IL2RB: variants seen among roughly 807,000 people sequenced by gnomAD.
IL2RB encodes the protein interleukin-2 receptor subunit beta.
IL2RB carries 17 observed loss-of-function variants against 44.2 expected under a neutral mutation model. That is an observed-to-expected ratio of 0.38 (90% CI 0.26 to 0.58). The LOEUF is 0.58. IL2RB is among the 20% of genes least tolerant of loss of function. IL2RB has a pLI of 0.63. For synonymous variants in IL2RB, 286 were observed against 297.9 expected, an observed-to-expected ratio of 0.96 and a Z score of 0.41; for missense variants, 624 against 685.5, an observed-to-expected ratio of 0.91 and a Z score of 1.00.
At chr22:37,135,954 C>T (rs1042002101) in intron 7 of IL2RB, among the ~76,000 whole-genome samples, 1 of 152,148 alleles carries the variant, frequency 6.6e-6, no homozygotes, top group Admixed American at 6.5e-5. Context: ...CCACCCCCAG[C>T]CCCAGAAGAA....
intron 9 of IL2RB, among the ~76,000 whole-genome samples, chr22:37,131,589 T>C (rs1160271631): frequency 6.6e-6 from 1 of 152,190 alleles, no homozygotes; most frequent in Non-Finnish European, 1.5e-5. Flanking sequence ...CTTGTTAGTA[T>C]CCACGCTAAG....
chr22:37,148,498 C>A (rs550732701), intron 1 of IL2RB, among the ~76,000 whole-genome samples: 5 of 152,186 alleles, frequency 3.3e-5, no homozygotes, highest in Non-Finnish European at 7.3e-5. Flanking sequence ...ATGCCTACGT[C>A]CCCACCACAG....
chr22:37,137,789 C>G (rs1601599353), intron 5 of IL2RB, 54 bp from the exon 6 acceptor site: 2 of 1,508,850 alleles, frequency 1.3e-6, no homozygotes, highest in East Asian at 2.3e-5. Context: ...CCACCTCCCA[C>G]TTTGTACCTG....
Position 37,139,176 on chromosome 22 carries a change from C to T in IL2RB, c.329G>A (p.Cys110Tyr). The T allele has an allele frequency of 1.2e-6, 2 of 1,614,022 alleles. No homozygotes were observed. The highest frequency in any genetic ancestry group is 1.7e-6 in the Non-Finnish European group (2 of 1,179,946). Residue 110 changes from cysteine (C) to tyrosine (Y), a missense_variant, in exon 5 of 10, where the codon TGC (cysteine) becomes TAC (tyrosine). Physicochemically the swap from Cys to Tyr is radical, Grantham distance 194 (BLOSUM62 -2). Around this residue, in one of 3 missense-constraint regions of IL2RB, gnomAD observed 255 missense variants for 339.9 expected, o/e 0.75. Transcript: ENST00000216223. The stretch of plus-strand genomic sequence containing the variant: ...CACCCTCCATCGCACCCCCTCACGG[C>T]ACAGCACCCTCAGGGTGACGATGTC... The part of the protein sequence containing the change: ...TVDIVTLRVL[C>Y]REGVRWRVMA...
rs188580169 is a variant in IL2RB at position 37,170,052 on chromosome 22, G to A, written c.-34+4906C>T. Among the ~76,000 whole-genome samples, 8 of 21,498 alleles carry A rather than the reference G, an allele frequency of 3.7e-4. 1 individual carries two copies. The East Asian group carries it at 0.018, about 47-fold the overall frequency. The allele number at this position is 21,498 out of a possible 152,430, so 14.1% of individuals were successfully genotyped here. A position where few individuals can be genotyped will look rare whatever the true frequency, so the allele number is the denominator to read the frequency against. On this transcript the variant is annotated intron_variant, in intron 1 of 5. Transcript: ENST00000429622. ...GATGGAGGGAGAGAAGGAATGATGGGGGAGAAGGAAGGAAGGATGGGGGAG... is the reference window on the plus strand; with the variant it reads ...GATGGAGGGAGAGAAGGAATGATGGAGGAGAAGGAAGGAAGGATGGGGGAG...
chr22:37,134,082 G>A (rs1186461216), intron 8 of IL2RB, among the ~76,000 whole-genome samples: 1 of 152,000 alleles, frequency 6.6e-6, no homozygotes, highest in Non-Finnish European at 1.5e-5. Context: ...CTCAGGATCC[G>A]TGGGTTCTGC....
chr22:37,160,747 G>A (rs1327295330), intron 1 of IL2RB, among the ~76,000 whole-genome samples: 2 of 151,136 alleles, frequency 1.3e-5, no homozygotes, highest in East Asian at 1.9e-4. Flanking sequence ...CTATTCGGGA[G>A]GCTAAGGTGG....
At chr22:37,149,953 A>G, upstream of IL2RB, 1 of 977,820 alleles carries the variant, frequency 1.0e-6, no homozygotes, top group Non-Finnish European at 1.2e-6. Context: ...GCCCAGAGCC[A>G]GCCCACTTCC....
intron 8 of IL2RB, among the ~76,000 whole-genome samples, chr22:37,134,246 G>A (rs1921577197): frequency 6.6e-6 from 1 of 152,198 alleles, no homozygotes; most frequent in Admixed American, 6.5e-5. Flanking sequence ...AAGTAATCTA[G>A]GAGATGACCT....
intron 3 of IL2RB, among the ~76,000 whole-genome samples, chr22:37,142,934 C>T (rs1051176495): frequency 3.9e-5 from 6 of 152,126 alleles, no homozygotes; most frequent in African/African-American, 1.4e-4. Flanking sequence ...CATTTTCCCC[C>T]ACCCCACACC....
At chr22:37,147,612 G>A (rs934551309) in intron 1 of IL2RB, among the ~76,000 whole-genome samples, 52 of 152,214 alleles carry the variant, frequency 3.4e-4, no homozygotes, top group African/African-American at 1.2e-3. Context: ...GTAAGAGGTG[G>A]AGCTAGGGCT....
rs57770674 is a variant in IL2RB, at chr22:37,144,145, G to C, written c.28C>G (p.Leu10Val). MAAPALSWR[L>V]PLLILLLPLA... is the part of the protein sequence containing the mutation. Reference sequence around the variant, plus strand: ...GGCAGGAGGAGGATGAGGAGGGGCAGACGCCAGGACAGAGCAGGGGCCGCC... The same window carrying C: ...GGCAGGAGGAGGATGAGGAGGGGCACACGCCAGGACAGAGCAGGGGCCGCC... Residue 10 changes from leucine to valine, a missense_variant, in exon 2 of 10, where the codon CTG becomes GTG. Leu to Val is a conservative substitution (Grantham distance 32). Transcript: ENST00000216223. The C allele has an allele frequency of 6.6e-4, 1,024 of 1,552,036 alleles. 4 individuals are homozygous for C. The African/African-American group carries it at 0.012, about 19-fold the overall frequency.
chr22:37,137,448 G>A, intron 6 of IL2RB, 139 bp downstream of exon 6: 2 of 826,686 alleles, frequency 2.4e-6, no homozygotes. Context: ...GCCCCAGGCA[G>A]TGCAGAAAGA....
chr22:37,142,484 G>C lies in IL2RB; in HGVS notation c.232C>G (p.Pro78Ala). The C allele has an allele frequency of 6.2e-7, 1 of 1,614,170 alleles. No homozygotes were observed. The highest frequency in any genetic ancestry group is 8.5e-7 in the Non-Finnish European group (1 of 1,180,002). ...CAGGCCCAGGATGCTTGACTCACGG[G>C]GAGCAGCTCACAGGTTTGGTTCCAC... ...RRWNQTCELL[P>A]VSQASWACNL... Residue 78 changes from proline (P) to alanine (A), a missense_variant, in exon 4 of 10, where the codon CCC becomes GCC. By Grantham distance (27) the Pro-to-Ala change is conservative. This residue lies in a region of IL2RB where 255 missense variants were observed against 339.9 expected (regional missense o/e 0.75). Transcript: ENST00000216223.
intron 1 of IL2RB, among the ~76,000 whole-genome samples, chr22:37,171,556 A>G (rs1923285872): frequency 1.3e-5 from 2 of 152,178 alleles, no homozygotes; most frequent in Non-Finnish European, 2.9e-5. Context: ...GGGTAGATGG[A>G]CCTCACCAGA....
Position 37,128,507 on chromosome 22 carries a change from G to A in IL2RB, c.1245C>T (p.Asp415=), listed in dbSNP as rs151048201. The A allele has an allele frequency of 1.4e-5, 23 of 1,610,336 alleles. No individual in the cohort carries two copies. Among genetic ancestry groups the A allele is most frequent in the Middle Eastern group, 1.7e-4 (1 of 6,046 alleles). The change falls in exon 10 of 10, where the codon GAC becomes GAT. Residue 415 remains aspartate (D), a synonymous_variant. Coordinates refer to ENST00000216223, the MANE Select transcript of IL2RB (RefSeq NM_000878.5). This position sits in a 1 kb window ranked among gnomAD's most constrained non-coding sequence, Gnocchi z 4.5. The part of the protein sequence containing the change: ...PQPLQPLSGE[D]DAYCTFPSRD... ...TGGAGGGGAAGGTGCAGTAGGCGTCGTCCTCCCCTGACAGAGGCTGCAGGG... is the reference window on the plus strand; with the variant it reads ...TGGAGGGGAAGGTGCAGTAGGCGTCATCCTCCCCTGACAGAGGCTGCAGGG...
chr22:37,140,340 T>G (rs1169760389), intron 4 of IL2RB, among the ~76,000 whole-genome samples: 2 of 150,548 alleles, frequency 1.3e-5, no homozygotes, highest in Non-Finnish European at 3.0e-5. Flanking sequence ...CTATTATTGT[T>G]ATAAAAATAT....
chr22:37,149,956 C>A (rs1922408383), upstream of IL2RB: 1 of 975,726 alleles, frequency 1.0e-6, no homozygotes, highest in Admixed American at 6.2e-5. Context: ...CAGAGCCAGC[C>A]CACTTCCTGT....
chr22:37,133,813 C>T (rs1307508355), intron 8 of IL2RB, among the ~76,000 whole-genome samples: 2 of 152,228 alleles, frequency 1.3e-5, no homozygotes, highest in Admixed American at 1.3e-4. Flanking sequence ...CAAGTTCAGC[C>T]TCCTGCCCCA....
Sources: gnomAD v4.1 joint callset for allele counts (sites outside exome capture counted in the v4.1 genomes callset) on GRCh38, gnomAD v4.1.1 for gene constraint, gnomAD v4.1.1 regional missense constraint, Gnocchi (gnomAD v3.1) non-coding constraint, MANE v1.5 for transcripts, NCBI Gene and HGNC (gene_info 2026-07-23, HGNC 2026-07-21) for gene names.